UNC13C: variants seen among roughly 807,000 people sequenced by gnomAD.
UNC13C encodes protein unc-13 homolog C.
A neutral mutation model predicts 245.4 loss-of-function variants in UNC13C; 174 were observed. The observed-to-expected ratio is 0.71, with a 90% CI of 0.63 to 0.80. The LOEUF (loss-of-function observed/expected upper bound fraction) is 0.80. Among genes scored for constraint, UNC13C ranks in the 30% least tolerant of loss-of-function variants. The pLI is 0.00. For missense variants in UNC13C, 2,829 were observed against 2,602.9 expected (o/e 1.09, Z -1.89); for synonymous variants, 992 against 895.1 (o/e 1.11, Z -1.93).
At chr15:53,920,105 C>G in the UNC13C span, among the ~76,000 whole-genome samples, 1 of 149,498 alleles carries the variant, frequency 6.7e-6, no homozygotes, top group Non-Finnish European at 1.5e-5. Context: ...CATAATTAAT[C>G]ATTTCAATGT....
At chr15:53,923,285 T>A in the UNC13C span, among the ~76,000 whole-genome samples, 1 of 152,228 alleles carries the variant, frequency 6.6e-6, no homozygotes, top group African/African-American at 2.4e-5. Context: ...AAGACTGACG[T>A]AGCCTCAGAA....
At chr15:53,932,971 A>G in the UNC13C span, among the ~76,000 whole-genome samples, 2 of 152,312 alleles carry the variant, frequency 1.3e-5, no homozygotes, top group African/African-American at 4.8e-5. Context: ...TCTGGTTGGC[A>G]CTGTCATCCA....
At chr15:54,219,596 A>G (rs62010026) in intron 4 of UNC13C, among the ~76,000 whole-genome samples, 46,592 of 138,414 alleles carry the variant, frequency 0.34, 7,895 homozygotes, top group African/African-American at 0.51. Flanking sequence ...AAAATTGACA[A>G]ATGGGATCTA....
At chr15:54,423,444 A>G (rs73419609) in intron 19 of UNC13C, among the ~76,000 whole-genome samples, 11,958 of 151,842 alleles carry the variant, frequency 0.079, 543 homozygotes, top group African/African-American at 0.12. Flanking sequence ...TTTCCCCAGC[A>G]ATATTTGGAA....
In UNC13C at chr15:54,322,053, A is replaced by G; in HGVS notation, c.4383A>G (p.Ile1461Met). ...CTCACACAACAGTTTCAACAAACAT[A>G]CAGGTTTCTGCCTCAGATCGATTTG... is the stretch of plus-strand genomic sequence containing the variant. ...FYAHTTVSTN[I>M]QVSASDRFAA... is the part of the protein sequence containing the mutation. Residue 1461 changes from isoleucine (I) to methionine (M), a missense_variant, in exon 14 of 33, where the codon ATA becomes ATG. By Grantham distance (10) the Ile-to-Met change is conservative. Transcript: ENST00000260323. The G allele has an allele frequency of 6.3e-7, 1 of 1,590,030 alleles. No homozygotes were observed. Among genetic ancestry groups the G allele is most frequent in the Non-Finnish European group, 8.6e-7 (1 of 1,167,100 alleles).
chr15:54,451,503 C>T (rs1450319127), intron 19 of UNC13C, among the ~76,000 whole-genome samples: 2 of 151,924 alleles, frequency 1.3e-5, no homozygotes, highest in East Asian at 3.9e-4. Flanking sequence ...ATTTTAAAGA[C>T]CTGTCTTTAA....
chr15:54,408,294 C>T (rs761791694), intron 18 of UNC13C, among the ~76,000 whole-genome samples: 1 of 146,398 alleles, frequency 6.8e-6, no homozygotes, highest in Non-Finnish European at 1.5e-5. Flanking sequence ...TTCTAGTACA[C>T]TTTCCTAATC....
At chr15:54,604,372 CT>C (rs1045532233) in intron 30 of UNC13C, among the ~76,000 whole-genome samples, 1 of 141,894 alleles carries the variant, frequency 7.0e-6, no homozygotes, top group African/African-American at 2.6e-5. Context: ...TTTGAAATTA[CT>C]TTTTTCCTTA....
At chr15:54,355,789 C>T (rs1429874820) in intron 17 of UNC13C, among the ~76,000 whole-genome samples, 1 of 152,100 alleles carries the variant, frequency 6.6e-6, no homozygotes, top group African/African-American at 2.4e-5. Flanking sequence ...CCCAAGTACT[C>T]AGCCTCCCCT....
chr15:54,469,563 T>C (rs1355347246), intron 19 of UNC13C, among the ~76,000 whole-genome samples: 1 of 151,582 alleles, frequency 6.6e-6, no homozygotes, highest in East Asian at 1.9e-4. Context: ...TTGCATATAA[T>C]TAATGCATAT....
chr15:54,481,343 G>A (rs1411437846), intron 19 of UNC13C, among the ~76,000 whole-genome samples: 1 of 151,846 alleles, frequency 6.6e-6, no homozygotes. Context: ...GCAGGACTGG[G>A]CAGGCCAGTC....
At chr15:54,484,697 A>G (rs1189861909) in intron 19 of UNC13C, among the ~76,000 whole-genome samples, 1 of 152,152 alleles carries the variant, frequency 6.6e-6, no homozygotes, top group Non-Finnish European at 1.5e-5. Context: ...CAAATTCAGA[A>G]AAGCTAAGGA....
intron 13 of UNC13C, among the ~76,000 whole-genome samples, chr15:54,302,961 A>G (rs578014090): frequency 1.3e-5 from 2 of 152,236 alleles, no homozygotes; most frequent in Admixed American, 1.3e-4. Context: ...ATAATTACTG[A>G]TAGAGAAATT....
chr15:54,268,778 A>G (rs1343613520), intron 10 of UNC13C, among the ~76,000 whole-genome samples: 1 of 152,138 alleles, frequency 6.6e-6, no homozygotes, highest in Non-Finnish European at 1.5e-5. Context: ...GATTTCTAGG[A>G]CTGGCTGTGT....
intron 7 of UNC13C, among the ~76,000 whole-genome samples, chr15:54,247,407 T>C (rs2036020901): frequency 1.3e-5 from 2 of 152,156 alleles, no homozygotes; most frequent in Non-Finnish European, 1.5e-5. Flanking sequence ...CCCCCTGAAA[T>C]ACAAGAATCC....
At chr15:53,931,103 G>A in the UNC13C span, among the ~76,000 whole-genome samples, 1 of 152,132 alleles carries the variant, frequency 6.6e-6, no homozygotes, top group African/African-American at 2.4e-5. Context: ...TAAGTGAGAT[G>A]AGCTTACCAT....
At chr15:53,955,266 T>TTCACACAC in the UNC13C span, among the ~76,000 whole-genome samples, 3 of 149,574 alleles carry the variant, frequency 2.0e-5, no homozygotes, top group African/African-American at 7.4e-5. Context: ...GACTTTTTCT[T>TTCACACAC]ACACACACAC....
At chr15:54,070,476 G>T (rs1898269034) in intron 2 of UNC13C, among the ~76,000 whole-genome samples, 1 of 152,144 alleles carries the variant, frequency 6.6e-6, no homozygotes, top group Non-Finnish European at 1.5e-5. Flanking sequence ...TGGAATTTGA[G>T]TCTGAATGCA....
intron 2 of UNC13C, among the ~76,000 whole-genome samples, chr15:54,110,718 T>C (rs1900725847): frequency 6.6e-6 from 1 of 152,168 alleles, no homozygotes; most frequent in African/African-American, 2.4e-5. Context: ...AGTTGGTTTT[T>C]TTTGTGTGAA....
Sources: gnomAD v4.1 joint callset for allele counts (sites outside exome capture counted in the v4.1 genomes callset) on GRCh38, gnomAD v4.1.1 for gene constraint, MANE v1.5 for transcripts, NCBI Gene and HGNC (gene_info 2026-07-23, HGNC 2026-07-21) for gene names.